Variants in PUDP observed in about 807,000 individuals in gnomAD.
PUDP encodes pseudouridine 5'-phosphatase, also known as pseudouridine-5'-phosphatase.
In PUDP, 8 loss-of-function variants were observed where a neutral mutation model predicts 9.4. That is an observed-to-expected ratio of 0.85 (90% CI 0.50 to 1.53). The LOEUF (loss-of-function observed/expected upper bound fraction) is 1.53. PUDP is among the 40% of genes most tolerant of loss of function. The pLI, the probability that PUDP is intolerant of heterozygous loss-of-function variation, is 0.00. For synonymous variants in PUDP, 99 were observed against 80.7 expected (o/e 1.23, Z -1.22); for missense variants, 188 against 189.7 (o/e 0.99, Z 0.05).
At chrX:6,982,387 G>A (rs1360069788) in intron 1 of PUDP, among the ~76,000 whole-genome samples, 1 of 110,934 alleles carries the variant, frequency 9.0e-6, no homozygotes, top group Non-Finnish European at 1.9e-5. Flanking sequence ...AGATAGTTTG[G>A]TGGGCAGGGA....
chrX:7,112,952 G>A (rs1285347064), intron 1 of PUDP: 4 of 112,501 alleles, frequency 3.6e-5, no homozygotes, highest in Admixed American at 2.8e-4. Context: ...TGTGAGCCAC[G>A]GTGCCCAGCC....
At chrX:6,997,367 T>C (rs1012807633) in intron 1 of PUDP, among the ~76,000 whole-genome samples, 3 of 112,398 alleles carry the variant, frequency 2.7e-5, no homozygotes, top group Admixed American at 1.9e-4. Flanking sequence ...TCCTGGACTT[T>C]TATTTTCCTG....
chrX:6,728,093 G>A (rs1924762744), intron 3 of PUDP, among the ~76,000 whole-genome samples: 1 of 111,373 alleles, frequency 9.0e-6, no homozygotes, highest in Admixed American at 9.5e-5. Flanking sequence ...CATGGCAGAA[G>A]GCAAAAGGCA....
At chrX:7,005,126 A>G (rs1381927306) in intron 1 of PUDP, among the ~76,000 whole-genome samples, 1 of 111,213 alleles carries the variant, frequency 9.0e-6, no homozygotes, top group Non-Finnish European at 1.9e-5. Context: ...TGCCTGGAGC[A>G]GCGCTAAGTA....
chrX:6,843,483 AG>A (rs772767381), intron 3 of PUDP, among the ~76,000 whole-genome samples: 4 of 111,989 alleles, frequency 3.6e-5, no homozygotes, highest in Non-Finnish European at 7.5e-5. Context: ...ATGCTACCCT[AG>A]GTCCTATTGC....
At chrX:6,817,002 AAT>A (rs1464772345) in intron 3 of PUDP, among the ~76,000 whole-genome samples, 3 of 98,219 alleles carry the variant, frequency 3.1e-5, no homozygotes, top group African/African-American at 1.1e-4. Context: ...TAGTATATAT[AAT>A]ATATATACAC....
chrX:6,725,437 G>A (rs1331543465), upstream of PUDP, among the ~76,000 whole-genome samples: 1 of 110,810 alleles, frequency 9.0e-6, no homozygotes. Context: ...CACACTCTAT[G>A]TCCAGCTGTA....
At chrX:6,943,425 A>G (rs1307245871) in intron 3 of PUDP, among the ~76,000 whole-genome samples, 1 of 111,476 alleles carries the variant, frequency 9.0e-6, no homozygotes, top group Non-Finnish European at 1.9e-5. Flanking sequence ...TGACTCAAAG[A>G]TGTATTTTAG....
chrX:6,749,825 C>T (rs890368126), intron 3 of PUDP, among the ~76,000 whole-genome samples: 5 of 111,629 alleles, frequency 4.5e-5, no homozygotes, highest in African/African-American at 6.5e-5. Context: ...TCCTCTCATG[C>T]GACCGTGAAA....
chrX:6,891,345 C>T (rs747764582), intron 3 of PUDP, among the ~76,000 whole-genome samples: 26 of 112,151 alleles, frequency 2.3e-4, no homozygotes, highest in Non-Finnish European at 4.1e-4. Context: ...TTCCCAACCT[C>T]CTGCACTAAG....
chrX:6,738,550 C>A (rs751051075), intron 3 of PUDP, among the ~76,000 whole-genome samples: 3 of 111,870 alleles, frequency 2.7e-5, no homozygotes, highest in Non-Finnish European at 5.6e-5. Context: ...TTTTGAGCAA[C>A]TGTCCATTTT....
Position 6,785,350 on chromosome X carries a change from C to G in PUDP, c.*248-78884G>C, listed in dbSNP as rs762473523. Among the ~76,000 whole-genome samples, 3 of 112,340 alleles carry G rather than the reference C, an allele frequency of 2.7e-5. No individual in the cohort carries two copies. In the East Asian group the frequency reaches 8.3e-4, roughly 31 times the overall value. ...GATTCTTCTATTCTGCAAATGCTTT[C>G]CATACAGGTAAGAAAATCCATTAGC... On this transcript the variant is annotated intron_variant and NMD_transcript_variant, in intron 3 of 3. Coordinates refer to the PUDP transcript ENST00000655425.
chrX:6,957,854 A>G (rs920245269), intron 3 of PUDP, among the ~76,000 whole-genome samples: 4 of 112,270 alleles, frequency 3.6e-5, no homozygotes, highest in African/African-American at 1.3e-4. Flanking sequence ...CAATGCTGGT[A>G]GAAAAGAGTA....
intron 3 of PUDP, among the ~76,000 whole-genome samples, chrX:6,816,802 C>A (rs1015288332): frequency 1.1e-5 from 1 of 91,822 alleles, no homozygotes; most frequent in Non-Finnish European, 2.1e-5. Flanking sequence ...ATAGTATATA[C>A]AATATATATA....
chrX:6,925,129 A>G (rs1928082046), intron 3 of PUDP, among the ~76,000 whole-genome samples: 1 of 112,534 alleles, frequency 8.9e-6, no homozygotes, highest in African/African-American at 3.2e-5. Context: ...AGCCAGGCCA[A>G]CATAGCAAAA....
intron 1 of PUDP, among the ~76,000 whole-genome samples, chrX:7,133,420 C>T: frequency 8.9e-6 from 1 of 112,047 alleles, no homozygotes; most frequent in Non-Finnish European, 1.9e-5. Context: ...ATGGGGAAGC[C>T]AGAAGAGGAA....
At chrX:6,814,688 A>G (rs1388992369) in intron 3 of PUDP, among the ~76,000 whole-genome samples, 1 of 111,839 alleles carries the variant, frequency 8.9e-6, no homozygotes, top group African/African-American at 3.2e-5. Context: ...CTGACGTTTA[A>G]TTCTGACGTG....
intron 3 of PUDP, among the ~76,000 whole-genome samples, chrX:7,063,998 C>T (rs1930477845): frequency 8.9e-6 from 1 of 112,099 alleles, no homozygotes; most frequent in Non-Finnish European, 1.9e-5. Context: ...GCATAGTCCA[C>T]TTGTAAATGA....
At position 7,109,218 on chromosome X, in the gene PUDP, A is replaced by G. The variant is rs191687349; in HGVS notation, c.62-3380T>C. Reference sequence around the variant, plus strand: ...TCCTTTTATTTTCTTCTTCTCTGTGAGGGGGAGAAAGAGCCAAGGCTCTCA... The same window carrying G: ...TCCTTTTATTTTCTTCTTCTCTGTGGGGGGGAGAAAGAGCCAAGGCTCTCA... On this transcript the variant is annotated intron_variant, in intron 1 of 3. Coordinates refer to ENST00000381077, the MANE Select transcript of PUDP (RefSeq NM_012080.5). Among the ~76,000 whole-genome samples the G allele has an allele frequency of 4.7e-3, 531 of 111,891 alleles. 6 individuals are homozygous for G. Among genetic ancestry groups the G allele is most frequent in the African/African-American group, 0.016 (496 of 30,795 alleles).
Sources: allele counts gnomAD v4.1 joint callset (sites outside exome capture counted in the v4.1 genomes callset), GRCh38; gene constraint gnomAD v4.1.1; transcripts MANE v1.5; gene names NCBI Gene and HGNC (gene_info 2026-07-23, HGNC 2026-07-21).